Variants in ASL observed in about 807,000 individuals in gnomAD.
The protein encoded by ASL is argininosuccinate lyase, also known as argininosuccinase.
Under a neutral mutation model 69.1 loss-of-function variants are expected in ASL, and 51 were observed. The ratio of observed to expected loss-of-function variants is 0.74; its 90% confidence interval spans 0.59 to 0.93. The LOEUF is 0.93. Ranked by LOEUF, ASL falls within the 40% of genes least tolerant of loss-of-function variation. The pLI is 0.00. For missense variants in ASL, 540 were observed against 623.9 expected (o/e 0.87, Z 1.43); for synonymous variants, 241 against 247.6 (o/e 0.97, Z 0.25).
intron 11 of ASL, 53 bp downstream of exon 11, chr7:66,088,974 G>A (rs563726769): frequency 8.5e-5 from 137 of 1,607,226 alleles, no homozygotes; most frequent in Middle Eastern, 1.7e-4. Flanking sequence ...TGTATCCCCC[G>A]CCGCCCGCGG....
chr7:66,088,810 A>C lies in ASL; in HGVS notation c.722A>C (p.Glu241Ala), dbSNP rs924321091. The change falls in exon 11 of 17, where the codon GAG becomes GCG. Residue 241 changes from glutamate to alanine, a missense_variant. Transcript: ENST00000304874. ...GACTGGGAACCTTTTCTCCCAGCCG[A>C]GTTCCTGTTCTGGGCTTCGCTGTGC... ...DATSERDFVA[E>A]FLFWASLCMT... 1.6e-5 allele frequency: 25 copies of C among 1,612,802 alleles called. No individual in the cohort carries two copies. The highest frequency in any genetic ancestry group is 2.0e-5 in the Non-Finnish European group (24 of 1,179,604).
chr7:66,089,520 C>A, intron 13 of ASL, 92 bp from the exon 14 acceptor site: 1 of 1,472,544 alleles, frequency 6.8e-7, no homozygotes. Context: ...CCATGGAAGG[C>A]AGTGGGGATG....
intron 8 of ASL, chr7:66,087,038 C>A: frequency 1.5e-6 from 1 of 671,326 alleles, no homozygotes; most frequent in Non-Finnish European, 2.5e-6. Flanking sequence ...CCTGGCAAGC[C>A]CAGCCTGCTG....
Position 66,088,760 on chromosome 7 carries a change from T to A in ASL, c.719-47T>A, listed in dbSNP as rs191727726. ...CCTCCTGCCCCCTGTATGGTCAGGCTGGGTGGGGATGGGAGAGGCCTGGTG... is the reference window on the plus strand; with the variant it reads ...CCTCCTGCCCCCTGTATGGTCAGGCAGGGTGGGGATGGGAGAGGCCTGGTG... On this transcript the variant is annotated intron_variant, in intron 10 of 16. Coordinates refer to ENST00000304874, the MANE Select transcript of ASL (RefSeq NM_000048.4). 225 of 1,525,688 alleles carry A rather than the reference T, an allele frequency of 1.5e-4. 1 individual carries two copies. The African/African-American group carries it at 2.9e-3, about 20-fold the overall frequency. 94.5% of individuals were successfully genotyped at this position (1,525,688 alleles called of 1,614,324 possible). A position where few individuals can be genotyped will look rare whatever the true frequency, so the allele number is the denominator to read the frequency against.
intron 3 of ASL, 130 bp from the exon 4 acceptor site, chr7:66,082,238 G>T: frequency 9.0e-7 from 1 of 1,116,530 alleles, no homozygotes; most frequent in Admixed American, 2.0e-5. Context: ...CCCTCCCAGG[G>T]TGCGCTTCCA....
At chr7:66,078,793 C>T (rs185577443) in intron 2 of ASL, among the ~76,000 whole-genome samples, 12 of 152,098 alleles carry the variant, frequency 7.9e-5, no homozygotes, top group Admixed American at 5.9e-4. Context: ...TGCCACCGCG[C>T]CTGGCTAATG....
chr7:66,080,118 C>T (rs1294792967), intron 2 of ASL, among the ~76,000 whole-genome samples: 2 of 151,694 alleles, frequency 1.3e-5, no homozygotes, highest in African/African-American at 4.8e-5. Context: ...TGTGGTGGCT[C>T]ACACCCGTAA....
chr7:66,083,589 CAGA>C (rs1442298659), intron 6 of ASL, among the ~76,000 whole-genome samples: 1 of 151,342 alleles, frequency 6.6e-6, no homozygotes, highest in Non-Finnish European at 1.5e-5. Context: ...GAGCCTGAGG[CAGA>C]AGAACTGCTT....
rs140673051 is a variant in ASL at position 66,090,105 on chromosome 7, G to A, written c.1062+410G>A. ...ATACAAAAATTAGCCAGGCGTGATG[G>A]CCCACACCTGTAATCCCAGCTACTC... On this transcript the variant is annotated intron_variant, in intron 14 of 16. Transcript: ENST00000304874. Among the ~76,000 whole-genome samples the A allele has an allele frequency of 1.2e-3, 178 of 152,168 alleles. 3 individuals carry two copies. The East Asian group carries it at 0.034, about 29-fold the overall frequency.
Position 66,093,156 on chromosome 7 carries a change from A to C in ASL, c.*244A>C. 1 of 601,388 alleles carries C rather than the reference A, an allele frequency of 1.7e-6. No homozygotes were observed. Among genetic ancestry groups the C allele is most frequent in the East Asian group, 2.9e-5 (1 of 34,076 alleles). 37.3% of individuals were successfully genotyped at this position (601,388 alleles called of 1,614,324 possible). ...ACAGGGAGACCCCCATCTCTACTCA[A>C]TAATAAAACAAATAGCCTGGCGTGG... is the stretch of plus-strand genomic sequence containing the variant. On this transcript the variant is annotated 3_prime_UTR_variant, in exon 17 of 17. Coordinates refer to ENST00000304874, the MANE Select transcript of ASL (RefSeq NM_000048.4).
intron 14 of ASL, among the ~76,000 whole-genome samples, chr7:66,090,461 AC>A (rs1786810664): frequency 6.6e-6 from 1 of 151,920 alleles, no homozygotes; most frequent in Non-Finnish European, 1.5e-5. Flanking sequence ...TTTTGTAGAG[AC>A]AGGGTCTCCC....
Position 66,083,078 on chromosome 7 carries a change from T to G in ASL, c.350T>G (p.Val117Gly), listed in dbSNP as rs1786557324. The G allele has an allele frequency of 6.2e-7, 1 of 1,613,570 alleles. No homozygotes were observed. The highest frequency in any genetic ancestry group is 1.7e-5 in the Admixed American group (1 of 59,976). ...GAGCACCATCTCCTCCTTGCACAGGTGGTCACAGACCTCAGGCTGTGGATG... is the reference window on the plus strand; with the variant it reads ...GAGCACCATCTCCTCCTTGCACAGGGGGTCACAGACCTCAGGCTGTGGATG... ...LHTGRSRNDQ[V>G]VTDLRLWMRQ... The change falls in exon 6 of 17, where the codon GTG (valine) becomes GGG (glycine). Residue 117 changes from valine to glycine, a missense_variant and splice_region_variant. By Grantham distance (109) the Val-to-Gly change is moderately radical. Transcript: ENST00000304874.
At chr7:66,087,609 G>A in intron 9 of ASL, 120 bp from the exon 10 acceptor site, 1 of 1,078,510 alleles carries the variant, frequency 9.3e-7, no homozygotes, top group Non-Finnish European at 1.4e-6. Context: ...CTGTGCAAAA[G>A]ATCCCTCCCC....
At chr7:66,077,407 G>A (rs1307393103) in intron 2 of ASL, among the ~76,000 whole-genome samples, 1 of 151,072 alleles carries the variant, frequency 6.6e-6, no homozygotes, top group Non-Finnish European at 1.5e-5. Context: ...CCAGGCAACA[G>A]AGTGAGATCC....
chr7:66,082,787 G>A, intron 4 of ASL, 93 bp from the exon 5 acceptor site: 1 of 1,477,358 alleles, frequency 6.8e-7, no homozygotes, highest in Non-Finnish European at 9.4e-7. Flanking sequence ...GGGTATGGAG[G>A]TAGGTTGGCA....
intron 10 of ASL, 109 bp downstream of exon 10, chr7:66,087,900 A>G (rs570771709): frequency 1.4e-6 from 2 of 1,400,920 alleles, no homozygotes; most frequent in Admixed American, 1.8e-5. Flanking sequence ...TTGTGGTGAT[A>G]TTGTACACTG....
intron 6 of ASL, among the ~76,000 whole-genome samples, chr7:66,084,633 C>T (rs933947341): frequency 6.6e-6 from 1 of 151,790 alleles, no homozygotes; most frequent in African/African-American, 2.4e-5. Context: ...GTGTGCACCA[C>T]CTGTGAGACA....
chr7:66,085,037 C>T (rs937162151), intron 6 of ASL, among the ~76,000 whole-genome samples: 1 of 151,964 alleles, frequency 6.6e-6, no homozygotes, highest in African/African-American at 2.4e-5. Context: ...GGATTAAAGA[C>T]TTGAGCCACC....
Position 66,081,799 on chromosome 7 carries a change from C to T in ASL, c.13-4C>T, listed in dbSNP as rs201082875. On this transcript the variant is annotated splice_polypyrimidine_tract_variant and splice_region_variant and intron_variant, in intron 2 of 16. Coordinates refer to ENST00000304874, the MANE Select transcript of ASL (RefSeq NM_000048.4). ...AGACTAATTGTTCTTGCTCTCCTGG[C>T]CAGAGTGGGAAGCTTTGGGGTGGCC... 79 of 1,612,776 alleles carry T rather than the reference C, an allele frequency of 4.9e-5. No individual in the cohort carries two copies. The Admixed American group carries it at 8.8e-4, about 18-fold the overall frequency.
Sources: allele counts gnomAD v4.1 joint callset (sites outside exome capture counted in the v4.1 genomes callset), GRCh38; gene constraint gnomAD v4.1.1; transcripts MANE v1.5; gene names NCBI Gene and HGNC (gene_info 2026-07-23, HGNC 2026-07-21).